Variants in SPDYE18 observed in about 807,000 individuals in gnomAD.
SPDYE18 encodes speedy protein E18.
SPDYE18 carries 6 observed loss-of-function variants against 44.9 expected under a neutral mutation model. The ratio of observed to expected loss-of-function variants is 0.13; its 90% CI spans 0.07 to 0.26. The LOEUF is 0.26. Ranked by LOEUF, SPDYE18 falls within the 10% of genes least tolerant of loss-of-function variation. SPDYE18 has a pLI of 1.00. For synonymous variants in SPDYE18, 35 were observed against 177.1 expected, an observed-to-expected ratio of 0.20 and a Z score of 6.37; for missense variants, 121 against 463.2, an observed-to-expected ratio of 0.26 and a Z score of 6.78.
In SPDYE18 at chr7:77,050,460, C is replaced by T. The variant is rs1789767495; in HGVS notation, c.*1465G>A. On this transcript the variant is annotated 3_prime_UTR_variant, in exon 9 of 9. Coordinates refer to ENST00000510091, the MANE Select transcript of SPDYE18 (RefSeq NM_001394953.1). ...TCCACAAGAGACGCACTCTATTGTT[C>T]TCTTGAAAACACACAGCTCATGTCC... is the stretch of plus-strand genomic sequence containing the variant. 6.6e-6 allele frequency among the ~76,000 whole-genome samples: 1 copy of T among 152,222 alleles called. No homozygotes were observed. The highest frequency in any genetic ancestry group is 2.1e-4 in the South Asian group (1 of 4,832).
chr7:77,053,587 C>A (rs1226777053), intron 6 of SPDYE18, among the ~76,000 whole-genome samples: 2 of 152,276 alleles, frequency 1.3e-5, no homozygotes, highest in Non-Finnish European at 2.9e-5. Context: ...TGCCTGTAAT[C>A]CCAGCACTTT....
At chr7:77,060,240 G>C (rs1789999005) in intron 2 of SPDYE18, 113 bp downstream of exon 2, 2 of 1,488,608 alleles carry the variant, frequency 1.3e-6, no homozygotes, top group East Asian at 4.9e-5. Context: ...CAGGTGATTC[G>C]CCCGCCTCGG....
At chr7:77,058,495 T>G in intron 3 of SPDYE18, among the ~76,000 whole-genome samples, 2 of 114,748 alleles carry the variant, frequency 1.7e-5, no homozygotes, top group South Asian at 3.2e-4. Flanking sequence ...GGGCCCTTCC[T>G]TCCTTCTTTT....
chr7:77,055,466 G>C (rs1343390935), intron 5 of SPDYE18, 145 bp from the exon 6 acceptor site: 1 of 1,220,894 alleles, frequency 8.2e-7, no homozygotes, highest in Non-Finnish European at 1.2e-6. Context: ...TTTGGAAATT[G>C]CGGGATGGAG....
Position 77,051,795 on chromosome 7 carries a change from G to T in SPDYE18, c.*130C>A, listed in dbSNP as rs1583972347. ...TTCTTCTAGATGATCTGCACAAATG[G>T]TTCCTCTCCTCTTTCCTGTTGTCTG... On this transcript the variant is annotated 3_prime_UTR_variant, in exon 9 of 9. Coordinates refer to ENST00000510091, the MANE Select transcript of SPDYE18 (RefSeq NM_001394953.1). 1.3e-5 allele frequency among the ~76,000 whole-genome samples: 2 copies of T among 151,452 alleles called. No individual in the cohort carries two copies. The highest frequency in any genetic ancestry group is 3.9e-4 in the East Asian group (2 of 5,160).
chr7:77,061,776 A>AT (rs1444024637), intron 1 of SPDYE18, among the ~76,000 whole-genome samples: 1 of 138,062 alleles, frequency 7.2e-6, no homozygotes, highest in Non-Finnish European at 1.5e-5. Flanking sequence ...GTGTCAAAAA[A>AT]TTTTTTTTTG....
chr7:77,060,031 T>TC (rs1554339558), intron 2 of SPDYE18, among the ~76,000 whole-genome samples: 70 of 144,954 alleles, frequency 4.8e-4, no homozygotes, highest in African/African-American at 1.6e-3. Flanking sequence ...TTCTTTTCTT[T>TC]TTTTTTTTTT....
intron 1 of SPDYE18, among the ~76,000 whole-genome samples, chr7:77,062,135 A>C (rs1790029213): frequency 7.0e-6 from 1 of 142,898 alleles, no homozygotes; most frequent in Non-Finnish European, 1.5e-5. Flanking sequence ...TCTCAAAAAA[A>C]ATAACCTGCG....
rs943003856 is a variant in SPDYE18, at chr7:77,053,151, A to G, written c.808T>C (p.Phe270Leu). ...CGGGTCTTCCCATACAGGAAGTAGA[A>G]GATGTTTTGTTTGGGGTCCTCGTCG... Reference protein sequence around the residue: ...EDDEDPKQNIFYFLYGKTRSR... With the variant: ...EDDEDPKQNILYFLYGKTRSR... The change falls in exon 7 of 9, where the codon TTC becomes CTC. Residue 270 changes from phenylalanine to leucine, a missense_variant. Transcript: ENST00000510091. 1.2e-6 allele frequency: 2 copies of G among 1,613,984 alleles called. No individual in the cohort carries two copies. The highest frequency in any genetic ancestry group is 2.7e-5 in the African/African-American group (2 of 74,938).
intron 6 of SPDYE18, among the ~76,000 whole-genome samples, chr7:77,054,566 G>A (rs368349865): frequency 5.9e-5 from 9 of 151,944 alleles, no homozygotes; most frequent in East Asian, 1.9e-4. Flanking sequence ...TGTGGCCTCT[G>A]TCATGGGAAC....
intron 6 of SPDYE18, among the ~76,000 whole-genome samples, chr7:77,054,309 G>A (rs1230656543): frequency 2.7e-5 from 4 of 148,894 alleles, no homozygotes; most frequent in Non-Finnish European, 4.5e-5. Context: ...CAGTGAAGCC[G>A]AGCCAGGAAA....
At chr7:77,054,588 C>T (rs1170523669) in intron 6 of SPDYE18, among the ~76,000 whole-genome samples, 3 of 151,974 alleles carry the variant, frequency 2.0e-5, no homozygotes, top group Non-Finnish European at 4.4e-5. Context: ...CAGAGGAGGT[C>T]GATGGCGTTT....
Position 77,051,153 on chromosome 7 carries a change from G to A in SPDYE18, c.*772C>T, listed in dbSNP as rs1185297029. ...GAACTACCAATAGCTATAAATAGAA[G>A]AGATTTTTATGGAAGTATCATAGAT... On this transcript the variant is annotated 3_prime_UTR_variant, in exon 9 of 9. Transcript: ENST00000510091. Among the ~76,000 whole-genome samples the A allele has an allele frequency of 3.3e-5, 5 of 152,008 alleles. No individual in the cohort carries two copies. Among genetic ancestry groups the A allele is most frequent in the Non-Finnish European group, 7.4e-5 (5 of 67,998 alleles).
chr7:77,056,411 CAAAA>C (rs373429726), intron 5 of SPDYE18, 135 bp downstream of exon 5: 2,985 of 327,796 alleles, frequency 9.1e-3, no homozygotes, highest in East Asian at 0.01. Context: ...CTCTGTCTCA[CAAAA>C]AAAAAAAAAA....
chr7:77,054,233 C>T (rs1484645460), intron 6 of SPDYE18, among the ~76,000 whole-genome samples: 1 of 149,894 alleles, frequency 6.7e-6, no homozygotes, highest in Non-Finnish European at 1.5e-5. Flanking sequence ...TTCAGAGCCA[C>T]ATGTGTGCGG....
chr7:77,054,198 T>C (rs1339594333), intron 6 of SPDYE18, among the ~76,000 whole-genome samples: 17 of 150,736 alleles, frequency 1.1e-4, no homozygotes, highest in African/African-American at 3.9e-4. Context: ...TGGGGTGAAC[T>C]GACTTCAAGG....
chr7:77,051,690 A>AC lies in SPDYE18; in HGVS notation c.*234dup, dbSNP rs1489640312. Among the ~76,000 whole-genome samples, 34 of 139,540 alleles carry AC rather than the reference A, an allele frequency of 2.4e-4. No individual in the cohort carries two copies. Among genetic ancestry groups the AC allele is most frequent in the African/African-American group, 8.1e-4 (32 of 39,324 alleles). The allele number at this position is 139,540 out of a possible 152,430, so 91.5% of individuals were successfully genotyped here. A position where few individuals can be genotyped will look rare whatever the true frequency, so the allele number is the denominator to read the frequency against. Reference sequence around the variant, plus strand: ...CTTTTCTCCAAGGACTCCTAGAAGGACCCCACCCCCCTCCCCCCACCCCTG... The same window carrying AC: ...CTTTTCTCCAAGGACTCCTAGAAGGACCCCCACCCCCCTCCCCCCACCCCTG... On this transcript the variant is annotated 3_prime_UTR_variant, in exon 9 of 9. Coordinates refer to ENST00000510091, the MANE Select transcript of SPDYE18 (RefSeq NM_001394953.1).
chr7:77,059,597 C>A (rs1378547597), intron 2 of SPDYE18, among the ~76,000 whole-genome samples, 199 bp from the exon 3 acceptor site: 1 of 150,988 alleles, frequency 6.6e-6, no homozygotes, highest in Admixed American at 6.7e-5. Flanking sequence ...CTCTGTCCTC[C>A]GAACACTGCT....
At chr7:77,057,538 A>G (rs1789945884) in intron 4 of SPDYE18, 99 bp downstream of exon 4, 1 of 584,854 alleles carries the variant, frequency 1.7e-6, no homozygotes, top group African/African-American at 2.0e-5. Context: ...GAGCTCACCC[A>G]CTGGGGCATA....
Sources: gnomAD v4.1 joint callset for allele counts (sites outside exome capture counted in the v4.1 genomes callset) on GRCh38, gnomAD v4.1.1 for gene constraint, MANE v1.5 for transcripts, NCBI Gene and HGNC (gene_info 2026-07-23, HGNC 2026-07-21) for gene names.